SGCZ: variants seen among roughly 807,000 people sequenced by gnomAD.
SGCZ encodes the protein sarcoglycan zeta.
Under a neutral mutation model 41.3 loss-of-function variants are expected in SGCZ, and 40 were observed. The ratio of observed to expected loss-of-function variants is 0.97; its 90% CI spans 0.75 to 1.26. The LOEUF is 1.26. Among genes scored for constraint, SGCZ ranks in the 50% most tolerant of loss-of-function variants. The pLI, the probability that SGCZ is intolerant of heterozygous loss-of-function variation, is 0.00. For missense variants in SGCZ, 552 were observed against 369.8 expected, an observed-to-expected ratio of 1.49 and a Z score of -4.04; for synonymous variants, 206 against 137.5, an observed-to-expected ratio of 1.50 and a Z score of -3.49.
At chr8:14,842,630 G>A (rs1435754347) in intron 1 of SGCZ, among the ~76,000 whole-genome samples, 2 of 152,098 alleles carry the variant, frequency 1.3e-5, no homozygotes, top group African/African-American at 4.8e-5. Flanking sequence ...AAAACACAGT[G>A]CTTATAAGCC....
intron 2 of SGCZ, among the ~76,000 whole-genome samples, chr8:14,548,854 T>C (rs1803711715): frequency 6.6e-6 from 1 of 152,160 alleles, no homozygotes; most frequent in Non-Finnish European, 1.5e-5. Context: ...ATTCCATTGA[T>C]TTCAATTCTT....
At chr8:14,887,298 T>C (rs903924627) in intron 1 of SGCZ, among the ~76,000 whole-genome samples, 3 of 152,216 alleles carry the variant, frequency 2.0e-5, no homozygotes, top group Admixed American at 6.5e-5. Flanking sequence ...GATAACTATA[T>C]ATGGAGTCAG....
At chr8:14,472,295 ATATTT>A (rs1563351790) in intron 2 of SGCZ, among the ~76,000 whole-genome samples, 8 of 152,074 alleles carry the variant, frequency 5.3e-5, no homozygotes, top group Admixed American at 3.9e-4. Flanking sequence ...TTAAAGGCTT[ATATTT>A]TATTTAAGAA....
intron 1 of SGCZ, among the ~76,000 whole-genome samples, chr8:14,733,748 A>C (rs2130249322): frequency 6.6e-6 from 1 of 152,348 alleles, no homozygotes; most frequent in African/African-American, 2.4e-5. Context: ...ACAGTCATAC[A>C]TTTTAAATGG....
intron 5 of SGCZ, among the ~76,000 whole-genome samples, chr8:14,148,073 TA>T (rs1803582466): frequency 6.6e-6 from 1 of 152,062 alleles, no homozygotes; most frequent in African/African-American, 2.4e-5. Flanking sequence ...GAGGGACCAT[TA>T]TAGATATAAG....
At chr8:14,233,198 G>A (rs112234995) in intron 4 of SGCZ, among the ~76,000 whole-genome samples, 9 of 151,904 alleles carry the variant, frequency 5.9e-5, no homozygotes, top group African/African-American at 1.9e-4. Flanking sequence ...TAGACTGACA[G>A]CATAAGGCAC....
intron 1 of SGCZ, among the ~76,000 whole-genome samples, chr8:14,732,800 A>G (rs1899365): frequency 0.73 from 111,485 of 151,892 alleles, 41,003 homozygotes; most frequent in Admixed American, 0.77. Flanking sequence ...TGAAACTGCA[A>G]TTATCTCTTT....
At chr8:14,186,162 G>C (rs1050737664) in intron 4 of SGCZ, among the ~76,000 whole-genome samples, 5 of 152,178 alleles carry the variant, frequency 3.3e-5, no homozygotes, top group African/African-American at 1.2e-4. Flanking sequence ...ATGACAATGT[G>C]AAAGCTTGGC....
At chr8:14,466,121 C>G (rs572591784) in intron 2 of SGCZ, among the ~76,000 whole-genome samples, 2 of 151,992 alleles carry the variant, frequency 1.3e-5, no homozygotes, top group African/African-American at 4.8e-5. Context: ...GATAGAATCC[C>G]TTGAGCATTT....
At chr8:14,371,993 T>C (rs939119736) in intron 2 of SGCZ, among the ~76,000 whole-genome samples, 3 of 152,046 alleles carry the variant, frequency 2.0e-5, no homozygotes, top group African/African-American at 7.2e-5. Context: ...GCTAAATTTA[T>C]AGAGTAATCT....
At chr8:14,317,822 C>T (rs1801767332) in intron 3 of SGCZ, among the ~76,000 whole-genome samples, 2 of 151,844 alleles carry the variant, frequency 1.3e-5, no homozygotes, top group African/African-American at 4.8e-5. Flanking sequence ...ATGTCATTCT[C>T]CAAAAATTAA....
intron 2 of SGCZ, among the ~76,000 whole-genome samples, chr8:14,506,310 C>T (rs1802303664): frequency 6.6e-6 from 1 of 152,094 alleles, no homozygotes; most frequent in East Asian, 1.9e-4. Context: ...TTGTTAATAC[C>T]ACCTGGTCAA....
chr8:15,083,112 C>T (rs561471450), intron 1 of SGCZ, among the ~76,000 whole-genome samples: 3 of 152,212 alleles, frequency 2.0e-5, no homozygotes, highest in African/African-American at 7.2e-5. Flanking sequence ...GATCTTAACA[C>T]AAACAGAATA....
At chr8:15,050,603 G>A (rs1585512105) in intron 1 of SGCZ, among the ~76,000 whole-genome samples, 1 of 152,200 alleles carries the variant, frequency 6.6e-6, no homozygotes, top group Non-Finnish European at 1.5e-5. Flanking sequence ...GAAATAACCT[G>A]TGCAGAGGAG....
chr8:15,155,550 G>T (rs368027328), intron 1 of SGCZ, among the ~76,000 whole-genome samples: 1 of 152,062 alleles, frequency 6.6e-6, no homozygotes, highest in Non-Finnish European at 1.5e-5. Context: ...CAATGTATAC[G>T]AAACCAGCCA....
At chr8:14,677,597 C>A (rs957307425) in intron 1 of SGCZ, among the ~76,000 whole-genome samples, 2 of 152,004 alleles carry the variant, frequency 1.3e-5, no homozygotes, top group African/African-American at 4.8e-5. Context: ...ACAGTGAAAC[C>A]CAGTCTCTAC....
At chr8:14,148,409 A>T (rs984269995) in intron 5 of SGCZ, among the ~76,000 whole-genome samples, 2 of 152,124 alleles carry the variant, frequency 1.3e-5, no homozygotes, top group African/African-American at 4.8e-5. Flanking sequence ...GAGCAACTAT[A>T]TGACAACAAA....
At chr8:14,833,829 A>C (rs1802609506) in intron 1 of SGCZ, among the ~76,000 whole-genome samples, 1 of 152,288 alleles carries the variant, frequency 6.6e-6, no homozygotes, top group South Asian at 2.1e-4. Flanking sequence ...CAGGAAAAAA[A>C]AAAATGTGTT....
intron 1 of SGCZ, among the ~76,000 whole-genome samples, chr8:15,136,199 C>T (rs1451023390): frequency 6.6e-6 from 1 of 152,102 alleles, no homozygotes; most frequent in Non-Finnish European, 1.5e-5. Context: ...AGTCCTGCCT[C>T]CTACCTCAGT....
Sources: allele counts gnomAD v4.1 joint callset (sites outside exome capture counted in the v4.1 genomes callset), GRCh38; gene constraint gnomAD v4.1.1; transcripts MANE v1.5; gene names NCBI Gene and HGNC (gene_info 2026-07-23, HGNC 2026-07-21).